The following RARB variants were observed in gnomAD, a reference collection of about 807,000 sequenced individuals.
RARB encodes HBV-activated protein.
A neutral mutation model predicts 51.9 loss-of-function variants in RARB; 17 were observed. The ratio of observed to expected loss-of-function variants is 0.33; its 90% CI spans 0.22 to 0.49. The LOEUF is 0.49. Among genes scored for constraint, RARB ranks in the 20% least tolerant of loss-of-function variants. The pLI, the probability that RARB is intolerant of heterozygous loss-of-function variation, is 0.99. For missense variants in RARB, 369 were observed against 550.8 expected (o/e 0.67, Z 3.30); for synonymous variants, 215 against 195.4 (o/e 1.10, Z -0.84).
At chr3:25,121,113 G>A (rs1699777278) in intron 3 of RARB, among the ~76,000 whole-genome samples, 1 of 152,128 alleles carries the variant, frequency 6.6e-6, no homozygotes, top group African/African-American at 2.4e-5. Context: ...CCTGAAGAAG[G>A]GGAAGGATCA....
At chr3:25,369,538 T>G (rs1373356760) in intron 5 of RARB, among the ~76,000 whole-genome samples, 1 of 152,224 alleles carries the variant, frequency 6.6e-6, no homozygotes, top group African/African-American at 2.4e-5. Flanking sequence ...TTGCCAAAAT[T>G]TAAAATGAAT....
At chr3:25,238,407 C>A (rs1023600079) in intron 5 of RARB, among the ~76,000 whole-genome samples, 1 of 151,990 alleles carries the variant, frequency 6.6e-6, no homozygotes, top group African/African-American at 2.4e-5. Flanking sequence ...TTCATTTATC[C>A]ATTGGTGGAC....
At chr3:24,885,724 T>C (rs920892579) in intron 2 of RARB, among the ~76,000 whole-genome samples, 1 of 152,182 alleles carries the variant, frequency 6.6e-6, no homozygotes, top group Non-Finnish European at 1.5e-5. Flanking sequence ...GATTGGAGAC[T>C]TTGGGACATG....
At chr3:25,328,813 A>G (rs1704803516) in intron 5 of RARB, among the ~76,000 whole-genome samples, 1 of 152,156 alleles carries the variant, frequency 6.6e-6, no homozygotes, top group Admixed American at 6.5e-5. Context: ...GAAAATTAGG[A>G]CACTGCCACC....
intron 5 of RARB, among the ~76,000 whole-genome samples, chr3:25,247,208 C>G (rs896353144): frequency 1.3e-5 from 2 of 152,208 alleles, no homozygotes; most frequent in Non-Finnish European, 2.9e-5. Flanking sequence ...TTTTAGAGTT[C>G]TGTGCTAGCA....
chr3:25,078,465 A>G lies in RARB; in HGVS notation c.-328+18289A>G, dbSNP rs563006758. Among the ~76,000 whole-genome samples the G allele has an allele frequency of 6.0e-4, 91 of 151,310 alleles. 1 individual carries two copies. The highest frequency in any genetic ancestry group is 1.1e-3 in the Non-Finnish European group (73 of 67,874). ...TTCTATTCCTTTTATTGATGGATTT[A>G]TCTATATGACAATGCTGCAATGACT... On this transcript the variant is annotated intron_variant, in intron 3 of 11. Transcript: ENST00000383772.
intron 5 of RARB, among the ~76,000 whole-genome samples, chr3:25,364,382 A>T (rs1228987065): frequency 6.6e-6 from 1 of 152,174 alleles, no homozygotes; most frequent in African/African-American, 2.4e-5. Context: ...CCCCTATGAA[A>T]GTCTGTTGAA....
At chr3:25,391,438 A>G (rs1462318922) in intron 5 of RARB, among the ~76,000 whole-genome samples, 1 of 152,188 alleles carries the variant, frequency 6.6e-6, no homozygotes, top group Non-Finnish European at 1.5e-5. Flanking sequence ...ATCAAATAAT[A>G]GATCTACTTT....
At chr3:24,988,612 T>C (rs931059052) in intron 2 of RARB, among the ~76,000 whole-genome samples, 2 of 152,108 alleles carry the variant, frequency 1.3e-5, no homozygotes, top group African/African-American at 4.8e-5. Context: ...GTTTTGGTTC[T>C]TCTGTTTAAA....
chr3:25,203,593 T>C (rs1379516120), intron 5 of RARB, among the ~76,000 whole-genome samples: 2 of 152,230 alleles, frequency 1.3e-5, no homozygotes, highest in Admixed American at 6.5e-5. Flanking sequence ...CCATGTTTAG[T>C]GCTTCCTTCA....
chr3:25,441,958 G>C (rs1708705244), intron 1 of RARB, among the ~76,000 whole-genome samples: 1 of 152,056 alleles, frequency 6.6e-6, no homozygotes, highest in African/African-American at 2.4e-5. Flanking sequence ...CTCGATATCA[G>C]TGCCCTTCAA....
intron 5 of RARB, among the ~76,000 whole-genome samples, chr3:25,221,466 G>A (rs1262132116): frequency 6.6e-6 from 1 of 152,154 alleles, no homozygotes; most frequent in Non-Finnish European, 1.5e-5. Flanking sequence ...TCGTGGTAGT[G>A]ATTATTCTTA....
chr3:24,971,969 T>C (rs890729288), intron 2 of RARB, among the ~76,000 whole-genome samples: 1 of 124,004 alleles, frequency 8.1e-6, no homozygotes, highest in Non-Finnish European at 1.7e-5. Context: ...GGGTAATCTG[T>C]CACCTTAAAT....
intron 5 of RARB, among the ~76,000 whole-genome samples, chr3:25,250,011 G>A (rs764021063): frequency 1.0e-4 from 12 of 116,632 alleles, no homozygotes; most frequent in Non-Finnish European, 1.7e-4. Context: ...AGGCCCCTGG[G>A]CATCAGAAAT....
Position 25,020,118 on chromosome 3 carries a change from AT to A in RARB, c.-379-40005del, listed in dbSNP as rs1559436184. 9.2e-5 allele frequency: 3 copies of A among 32,776 alleles called. No homozygotes were observed. The African/African-American group carries it at 9.6e-4, about 10-fold the overall frequency. 2.0% of individuals were successfully genotyped at this position (32,776 alleles called of 1,614,324 possible). The stretch of plus-strand genomic sequence containing the variant: ...ACTCAAGTTCTCTATTATTATTATT[AT>A]TATTATTATTATTATTATTATTATT... On this transcript the variant is annotated intron_variant, in intron 2 of 11. Transcript: ENST00000383772.
At chr3:25,348,007 T>C (rs1289595244) in intron 5 of RARB, among the ~76,000 whole-genome samples, 1 of 152,202 alleles carries the variant, frequency 6.6e-6, no homozygotes, top group Non-Finnish European at 1.5e-5. Flanking sequence ...CCAGAATCAT[T>C]GCAAACGTAC....
At chr3:25,375,305 C>A (rs2125474993) in intron 5 of RARB, among the ~76,000 whole-genome samples, 1 of 152,308 alleles carries the variant, frequency 6.6e-6, no homozygotes, top group Middle Eastern at 3.4e-3. Flanking sequence ...GGCTGAATTA[C>A]CTCATAATGA....
chr3:25,403,551 C>A (rs1707322334), intron 5 of RARB, among the ~76,000 whole-genome samples: 2 of 152,124 alleles, frequency 1.3e-5, no homozygotes, highest in South Asian at 4.2e-4. Flanking sequence ...TGCCTTTAAA[C>A]CAGAGTAAGC....
intron 2 of RARB, among the ~76,000 whole-genome samples, chr3:24,990,958 T>C (rs1487419022): frequency 6.6e-6 from 1 of 152,220 alleles, no homozygotes; most frequent in African/African-American, 2.4e-5. Context: ...ATCTAAATAT[T>C]TCATGGCTCT....
Sources: gnomAD v4.1 joint callset for allele counts (sites outside exome capture counted in the v4.1 genomes callset) on GRCh38, gnomAD v4.1.1 for gene constraint, MANE v1.5 for transcripts, NCBI Gene and HGNC (gene_info 2026-07-23, HGNC 2026-07-21) for gene names.